Variants in TMC1 observed in about 807,000 individuals in gnomAD.
The protein encoded by TMC1 is transmembrane channel-like protein 1.
A neutral mutation model predicts 105.8 loss-of-function variants in TMC1; 84 were observed. That is an observed-to-expected ratio of 0.79 (90% confidence interval 0.67 to 0.95). The LOEUF (loss-of-function observed/expected upper bound fraction) is 0.95, where lower values mean the gene tolerates loss of function less well. Ranked by LOEUF, TMC1 falls within the 40% of genes least tolerant of loss-of-function variation. The pLI, the probability that TMC1 is intolerant of heterozygous loss-of-function variation, is 0.00. For missense variants in TMC1, 817 were observed against 914.1 expected, an observed-to-expected ratio of 0.89 and a Z score of 1.37; for synonymous variants, 315 against 311.5, an observed-to-expected ratio of 1.01 and a Z score of -0.12.
chr9:72,773,714 G>A (rs1220697083), intron 13 of TMC1, among the ~76,000 whole-genome samples: 1 of 152,182 alleles, frequency 6.6e-6, no homozygotes, highest in African/African-American at 2.4e-5. Flanking sequence ...GGCCTCATGA[G>A]TATCATTTCT....
chr9:72,654,315 G>A (rs1018864604), intron 5 of TMC1, among the ~76,000 whole-genome samples: 3 of 152,202 alleles, frequency 2.0e-5, no homozygotes, highest in Admixed American at 6.5e-5. Context: ...TTGAGAAAAT[G>A]TGTAGTGGTA....
Position 72,538,393 on chromosome 9 carries a change from AC to A in TMC1, c.-428+16481del, listed in dbSNP as rs1228934451. On this transcript the variant is annotated intron_variant, in intron 1 of 23. Coordinates refer to ENST00000297784, the MANE Select transcript of TMC1 (RefSeq NM_138691.3). ...AAATAAATATATTTTGGGATAAAAT[AC>A]TTGTATTGTATTGTATTGTATTGTA... 4.8e-4 allele frequency among the ~76,000 whole-genome samples: 49 copies of A among 102,368 alleles called. No individual in the cohort carries two copies. In the East Asian group the frequency reaches 8.9e-3, roughly 19 times the overall value. 67.2% of individuals were successfully genotyped at this position (102,368 alleles called of 152,430 possible).
intron 7 of TMC1, among the ~76,000 whole-genome samples, chr9:72,695,281 T>C (rs983349529): frequency 1.3e-5 from 2 of 152,328 alleles, no homozygotes; most frequent in African/African-American, 4.8e-5. Flanking sequence ...ATTTTCTTTT[T>C]AATACAACTC....
At chr9:72,830,738 C>CTTTTT (rs71495342) in intron 23 of TMC1, 56 bp downstream of exon 23, 13 of 1,148,098 alleles carry the variant, frequency 1.1e-5, no homozygotes, top group African/African-American at 5.3e-5. Context: ...CTTTTTCTTT[C>CTTTTT]TTTTTTTTTT....
chr9:72,792,417 C>T lies in TMC1; in HGVS notation c.1566+65C>T, dbSNP rs933123590. 9.5e-6 allele frequency: 15 copies of T among 1,579,794 alleles called. No homozygotes were observed. The African/African-American group carries it at 1.9e-4, about 20-fold the overall frequency. On this transcript the variant is annotated intron_variant, in intron 17 of 23. Coordinates refer to ENST00000297784, the MANE Select transcript of TMC1 (RefSeq NM_138691.3). ...AAAAAAAGAGAGTCAATATCTCTTCCATAAGATTGGCTTTTAAAAAATTGC... is the reference window on the plus strand; with the variant it reads ...AAAAAAAGAGAGTCAATATCTCTTCTATAAGATTGGCTTTTAAAAAATTGC...
At chr9:72,571,069 T>G (rs892805605) in intron 1 of TMC1, among the ~76,000 whole-genome samples, 2 of 147,384 alleles carry the variant, frequency 1.4e-5, no homozygotes, top group African/African-American at 5.0e-5. Context: ...ATGGCTATAA[T>G]CCCAGCACAT....
At chr9:72,722,598 G>A (rs1443282443) in intron 8 of TMC1, among the ~76,000 whole-genome samples, 3 of 152,152 alleles carry the variant, frequency 2.0e-5, no homozygotes, top group Non-Finnish European at 2.9e-5. Flanking sequence ...GGCACGAAAC[G>A]TATCACATAG....
rs199694514 is a variant in TMC1, at chr9:72,805,799, A to G, written c.1695+289A>G. ...TGTTTAACAAAGCACATCTTGCACC[A>G]CCCTTAATCCATTTAACCCTGAGTG... On this transcript the variant is annotated intron_variant, in intron 18 of 23. Coordinates refer to ENST00000297784, the MANE Select transcript of TMC1 (RefSeq NM_138691.3). 0.061 allele frequency among the ~76,000 whole-genome samples: 9,233 copies of G among 150,460 alleles called. 313 individuals carry two copies. The highest frequency in any genetic ancestry group is 0.092 in the African/African-American group (3,754 of 40,702).
chr9:72,594,302 A>T (rs983560804), intron 2 of TMC1, among the ~76,000 whole-genome samples: 3 of 152,222 alleles, frequency 2.0e-5, no homozygotes, highest in African/African-American at 7.2e-5. Flanking sequence ...CAGTGGCAGT[A>T]AATTGTGGGA....
intron 5 of TMC1, among the ~76,000 whole-genome samples, chr9:72,684,991 AT>A (rs1224788464): frequency 6.6e-6 from 1 of 152,164 alleles, no homozygotes; most frequent in East Asian, 1.9e-4. Flanking sequence ...ACAAAAAAGA[AT>A]CCTGAGAAGA....
chr9:72,685,380 TTAA>T, intron 5 of TMC1, among the ~76,000 whole-genome samples: 1 of 130,046 alleles, frequency 7.7e-6, no homozygotes. Flanking sequence ...TTTTTTTTTT[TTAA>T]GAGGGAGTCT....
chr9:72,664,798 T>C (rs544086250), intron 5 of TMC1, among the ~76,000 whole-genome samples: 1 of 152,310 alleles, frequency 6.6e-6, no homozygotes, highest in African/African-American at 2.4e-5. Context: ...ACTTGATTCT[T>C]CCTGGACACT....
chr9:72,769,955 G>A (rs1827898962), intron 12 of TMC1, among the ~76,000 whole-genome samples: 1 of 152,160 alleles, frequency 6.6e-6, no homozygotes, highest in African/African-American at 2.4e-5. Flanking sequence ...CAAGCATGAA[G>A]GTTTAAGACA....
At chr9:72,672,234 G>T (rs1305183758) in intron 5 of TMC1, among the ~76,000 whole-genome samples, 1 of 151,732 alleles carries the variant, frequency 6.6e-6, no homozygotes, top group Non-Finnish European at 1.5e-5. Flanking sequence ...ATAATATTTT[G>T]TTCTAAAACG....
At chr9:72,634,327 G>A (rs1825497720) in intron 4 of TMC1, among the ~76,000 whole-genome samples, 1 of 152,114 alleles carries the variant, frequency 6.6e-6, no homozygotes, top group Non-Finnish European at 1.5e-5. Context: ...GAGCAAGAGG[G>A]GAAGTTAAAA....
rs371779975 is a variant in TMC1, at chr9:72,787,250, C to T, written c.885-1089C>T. On this transcript the variant is annotated intron_variant, in intron 13 of 23. Transcript: ENST00000297784. ...TTTAAAGAGAACAAATGTGAAAGCA[C>T]ACACAATCACCATTTGCAAAGGGTA... Among the ~76,000 whole-genome samples, 3 of 152,234 alleles carry T rather than the reference C, an allele frequency of 2.0e-5. No individual in the cohort carries two copies. The East Asian group carries it at 5.8e-4, about 29-fold the overall frequency.
chr9:72,656,829 A>G (rs1825892527), intron 5 of TMC1, among the ~76,000 whole-genome samples: 1 of 152,044 alleles, frequency 6.6e-6, no homozygotes, highest in African/African-American at 2.4e-5. Context: ...AATTAGCTGG[A>G]TGCTTTTGAG....
At chr9:72,744,092 T>C (rs550833152) in intron 10 of TMC1, among the ~76,000 whole-genome samples, 90 of 152,278 alleles carry the variant, frequency 5.9e-4, no homozygotes, top group Non-Finnish European at 1.1e-3. Context: ...TAACCCTCGG[T>C]TCCCTGTCTC....
intron 4 of TMC1, among the ~76,000 whole-genome samples, chr9:72,633,978 G>A (rs1274883573): frequency 6.6e-6 from 1 of 152,178 alleles, no homozygotes; most frequent in Non-Finnish European, 1.5e-5. Context: ...TTGCAGTAGA[G>A]AAAGCATTTG....
Sources: gnomAD v4.1 joint callset for allele counts (sites outside exome capture counted in the v4.1 genomes callset) on GRCh38, gnomAD v4.1.1 for gene constraint, MANE v1.5 for transcripts, NCBI Gene and HGNC (gene_info 2026-07-23, HGNC 2026-07-21) for gene names.